Variants in EDIL3 observed in about 807,000 individuals in gnomAD.
The protein encoded by EDIL3 is EGF like and discoidin domains 3.
Under a neutral mutation model 67.4 loss-of-function variants are expected in EDIL3, and 37 were observed. The observed-to-expected ratio is 0.55, with a 90% CI of 0.42 to 0.72. EDIL3 has a LOEUF of 0.72. Among genes scored for constraint, EDIL3 ranks in the 30% least tolerant of loss-of-function variants. The pLI, the probability that EDIL3 is intolerant of heterozygous loss-of-function variation, is 0.00. For synonymous variants in EDIL3, 195 were observed against 196.3 expected (o/e 0.99, Z 0.05); for missense variants, 527 against 586.3 (o/e 0.90, Z 1.04).
At chr5:84,014,074 A>G (rs568370420) in intron 9 of EDIL3, among the ~76,000 whole-genome samples, 3 of 152,248 alleles carry the variant, frequency 2.0e-5, no homozygotes, top group African/African-American at 7.2e-5. Context: ...ACTTACTCCT[A>G]TGTAGGATGA....
chr5:84,360,373 C>G (rs895575347), intron 1 of EDIL3, among the ~76,000 whole-genome samples: 10 of 152,152 alleles, frequency 6.6e-5, no homozygotes, highest in Non-Finnish European at 1.2e-4. Flanking sequence ...TTTGTACAGC[C>G]TTCCCTGAGT....
intron 3 of EDIL3, among the ~76,000 whole-genome samples, chr5:84,190,579 G>GTGTATATATA (rs1456078500): frequency 8.2e-6 from 1 of 122,056 alleles, no homozygotes; most frequent in African/African-American, 3.2e-5. Context: ...GTGTGTGTGT[G>GTGTATATATA]TATATATATA....
chr5:84,262,811 C>T (rs886834407), intron 1 of EDIL3, among the ~76,000 whole-genome samples: 2 of 151,516 alleles, frequency 1.3e-5, no homozygotes, highest in African/African-American at 4.9e-5. Context: ...GCTGGGATTA[C>T]AGGCATGTGC....
chr5:84,112,608 A>G (rs1042890552), intron 5 of EDIL3, among the ~76,000 whole-genome samples: 2 of 152,144 alleles, frequency 1.3e-5, no homozygotes, highest in African/African-American at 4.8e-5. Flanking sequence ...TACTCTCAAC[A>G]TCTCTCATAT....
chr5:83,983,190 A>G (rs1745000476), intron 9 of EDIL3, among the ~76,000 whole-genome samples: 1 of 152,124 alleles, frequency 6.6e-6, no homozygotes, highest in Non-Finnish European at 1.5e-5. Flanking sequence ...CTTCCACTAT[A>G]GTACGTATCG....
intron 4 of EDIL3, among the ~76,000 whole-genome samples, chr5:84,139,683 T>C (rs904159454): frequency 1.2e-4 from 18 of 152,170 alleles, no homozygotes; most frequent in African/African-American, 4.3e-4. Context: ...CTGCCGTATT[T>C]TGTAAAGTTA....
rs144607882 is a variant in EDIL3, at chr5:84,006,256, G to A, written c.1138-42896C>T. Among the ~76,000 whole-genome samples, 427 of 151,912 alleles carry A rather than the reference G, an allele frequency of 2.8e-3. 2 individuals are homozygous for A. Among genetic ancestry groups the A allele is most frequent in the African/African-American group, 8.8e-3 (363 of 41,466 alleles). ...AAGAATAAATATTGTTAAAATGACC[G>A]TACTCTACAAAGTAACTGAAAGATT... On this transcript the variant is annotated intron_variant, in intron 9 of 10. Coordinates refer to ENST00000296591, the MANE Select transcript of EDIL3 (RefSeq NM_005711.5).
Position 84,186,191 on chromosome 5 carries a change from GA to G in EDIL3, c.227-5671del, listed in dbSNP as rs200185359. ...CCATAGTCTTCTCTATTTTGATACT[GA>G]AAAAAAATATTACTAAAGTAATATG... On this transcript the variant is annotated intron_variant, in intron 3 of 10. Coordinates refer to ENST00000296591, the MANE Select transcript of EDIL3 (RefSeq NM_005711.5). Among the ~76,000 whole-genome samples, 37 of 151,480 alleles carry G rather than the reference GA, an allele frequency of 2.4e-4. No homozygotes were observed. The East Asian group carries it at 4.8e-3, about 20-fold the overall frequency.
At chr5:84,307,797 A>G (rs1746302485) in intron 1 of EDIL3, among the ~76,000 whole-genome samples, 1 of 152,212 alleles carries the variant, frequency 6.6e-6, no homozygotes, top group Admixed American at 6.5e-5. Context: ...AAAGTACAGA[A>G]GAAAGTCTGG....
intron 3 of EDIL3, among the ~76,000 whole-genome samples, chr5:84,192,785 C>T (rs558205291): frequency 1.3e-5 from 2 of 151,918 alleles, no homozygotes; most frequent in South Asian, 4.2e-4. Flanking sequence ...CAAATAATCA[C>T]ATAAAGAAAT....
At chr5:84,262,667 T>C (rs1745254231) in intron 1 of EDIL3, among the ~76,000 whole-genome samples, 1 of 100,888 alleles carries the variant, frequency 9.9e-6, no homozygotes, top group African/African-American at 4.4e-5. Flanking sequence ...TGGTTTTTTT[T>C]TTTTTTTTTT....
Position 83,943,383 on chromosome 5 carries a change from GA to G in EDIL3, c.*35del. On this transcript the variant is annotated 3_prime_UTR_variant, in exon 11 of 11. Coordinates refer to ENST00000296591, the MANE Select transcript of EDIL3 (RefSeq NM_005711.5). ...TTCATTCCATGGAGATACTTTTAGG[GA>G]AATAGGGAAGAGGGTTGTGAAATGT... 1 of 1,611,204 alleles carries G rather than the reference GA, an allele frequency of 6.2e-7. No homozygotes were observed. Among genetic ancestry groups the G allele is most frequent in the Non-Finnish European group, 8.5e-7 (1 of 1,178,542 alleles).
chr5:84,051,863 G>C (rs1746345563), intron 9 of EDIL3, among the ~76,000 whole-genome samples: 1 of 152,184 alleles, frequency 6.6e-6, no homozygotes. Context: ...GGGGAGAATG[G>C]AACCAAGTTG....
chr5:84,278,593 T>C (rs1257827439), intron 1 of EDIL3, among the ~76,000 whole-genome samples: 1 of 152,198 alleles, frequency 6.6e-6, no homozygotes, highest in African/African-American at 2.4e-5. Context: ...GCCCCCATAT[T>C]GAAGAAAGGA....
At chr5:84,115,053 T>C (rs1747640344) in intron 5 of EDIL3, among the ~76,000 whole-genome samples, 1 of 152,184 alleles carries the variant, frequency 6.6e-6, no homozygotes, top group African/African-American at 2.4e-5. Context: ...AAACAAATCA[T>C]TGCTTTTTGG....
intron 1 of EDIL3, among the ~76,000 whole-genome samples, chr5:84,277,139 C>T (rs1157894246): frequency 6.6e-6 from 1 of 152,064 alleles, no homozygotes; most frequent in African/African-American, 2.4e-5. Context: ...TAATTATTGG[C>T]TGCAATGAAT....
At chr5:84,028,100 T>G in intron 9 of EDIL3, among the ~76,000 whole-genome samples, 1 of 152,270 alleles carries the variant, frequency 6.6e-6, no homozygotes, top group South Asian at 2.1e-4. Flanking sequence ...CATTGTGAAA[T>G]GTAATAATCG....
intron 9 of EDIL3, among the ~76,000 whole-genome samples, chr5:83,990,315 C>G (rs865921850): frequency 6.6e-6 from 1 of 151,852 alleles, no homozygotes; most frequent in Non-Finnish European, 1.5e-5. Context: ...GGTGAAATCC[C>G]GTCTCTACTG....
intron 3 of EDIL3, among the ~76,000 whole-genome samples, chr5:84,193,991 CT>C (rs1743645265): frequency 6.6e-6 from 1 of 151,766 alleles, no homozygotes; most frequent in Non-Finnish European, 1.5e-5. Context: ...TCTAGTTGAT[CT>C]TTTTGCTTAT....
Sources: gnomAD v4.1 joint callset for allele counts (sites outside exome capture counted in the v4.1 genomes callset) on GRCh38, gnomAD v4.1.1 for gene constraint, MANE v1.5 for transcripts, NCBI Gene and HGNC (gene_info 2026-07-23, HGNC 2026-07-21) for gene names.